Variants in GAB2 observed in about 807,000 individuals in gnomAD.
The protein encoded by GAB2 is GRB2 associated binding protein 2, also known as GRB2-associated-binding protein 2.
GAB2 carries 26 observed loss-of-function variants against 65.5 expected under a neutral mutation model. That is an observed-to-expected ratio of 0.40 (90% CI 0.29 to 0.55). GAB2 has a LOEUF of 0.55. Ranked by LOEUF, GAB2 falls within the 20% of genes least tolerant of loss-of-function variation. The probability of loss-of-function intolerance (pLI) is 0.53; values close to 1 mark genes in which losing one functional copy is unlikely to be tolerated. For synonymous variants in GAB2, 321 were observed against 329.6 expected, an observed-to-expected ratio of 0.97 and a Z score of 0.28; for missense variants, 884 against 875.8, an observed-to-expected ratio of 1.01 and a Z score of -0.12.
chr11:78,387,485 T>A (rs566097099), intron 1 of GAB2, among the ~76,000 whole-genome samples: 1 of 152,312 alleles, frequency 6.6e-6, no homozygotes, highest in Admixed American at 6.5e-5. Context: ...CAGAATTAAG[T>A]CCACAGTAAC....
chr11:78,362,573 A>G (rs1181917896), intron 1 of GAB2, among the ~76,000 whole-genome samples: 1 of 152,164 alleles, frequency 6.6e-6, no homozygotes, highest in Non-Finnish European at 1.5e-5. Flanking sequence ...CCATAATCAC[A>G]ATAAATGTAA....
At chr11:78,265,566 A>C (rs1458235580) in intron 2 of GAB2, among the ~76,000 whole-genome samples, 2 of 152,224 alleles carry the variant, frequency 1.3e-5, no homozygotes, top group Non-Finnish European at 2.9e-5. Context: ...AAAAGGGCCG[A>C]GGAGGTAGCA....
chr11:78,356,972 A>G (rs1030883403), intron 1 of GAB2, among the ~76,000 whole-genome samples: 6 of 152,222 alleles, frequency 3.9e-5, no homozygotes, highest in African/African-American at 1.4e-4. Context: ...AAGTAGAACA[A>G]TGGTTGCCAG....
intron 1 of GAB2, among the ~76,000 whole-genome samples, chr11:78,405,279 T>C (rs1413638772): frequency 1.3e-5 from 2 of 152,094 alleles, no homozygotes; most frequent in Non-Finnish European, 2.9e-5. Flanking sequence ...TTTGTATTTT[T>C]AGTAGAGATG....
chr11:78,292,584 T>C (rs1866711096), intron 1 of GAB2, among the ~76,000 whole-genome samples: 1 of 152,226 alleles, frequency 6.6e-6, no homozygotes, highest in Admixed American at 6.5e-5. Context: ...AAGTCTATCC[T>C]AATATATTTC....
chr11:78,324,139 T>C (rs143831456), intron 1 of GAB2, among the ~76,000 whole-genome samples: 1 of 152,044 alleles, frequency 6.6e-6, no homozygotes, highest in Non-Finnish European at 1.5e-5. Flanking sequence ...GTTCTTAAAA[T>C]GTGAAATTCT....
At chr11:78,349,746 G>C (rs868743375) in intron 1 of GAB2, among the ~76,000 whole-genome samples, 1 of 151,996 alleles carries the variant, frequency 6.6e-6, no homozygotes, top group Admixed American at 6.6e-5. Context: ...GGGAGAGTGG[G>C]AGGTGGGGTA....
chr11:78,378,385 C>T lies in GAB2; in HGVS notation c.75+39261G>A, dbSNP rs150966168. On this transcript the variant is annotated intron_variant, in intron 1 of 9. Transcript: ENST00000361507. ...TTTTCTGAGCTTCCTTATTATCATA[C>T]CATTACATTTCTATTTCTTGCTTAA... Among the ~76,000 whole-genome samples, 893 of 152,336 alleles carry T rather than the reference C, an allele frequency of 5.9e-3. 31 individuals are homozygous for T. The highest frequency in any genetic ancestry group is 0.052 in the Admixed American group (792 of 15,302).
intron 1 of GAB2, among the ~76,000 whole-genome samples, chr11:78,354,406 A>C (rs1209137213): frequency 2.0e-5 from 3 of 152,124 alleles, no homozygotes; most frequent in African/African-American, 7.2e-5. Context: ...ACTGTATCAT[A>C]TCATATGTAT....
chr11:78,300,646 G>A (rs192011306), intron 1 of GAB2, among the ~76,000 whole-genome samples: 1 of 150,610 alleles, frequency 6.6e-6, no homozygotes, highest in African/African-American at 2.4e-5. Flanking sequence ...GACTGTAGGG[G>A]ATGGGTAATG....
chr11:78,220,230 G>C, intron 9 of GAB2, 89 bp downstream of exon 9: 1 of 1,390,802 alleles, frequency 7.2e-7, no homozygotes, highest in Non-Finnish European at 1.0e-6. Context: ...GAGTGCTGCT[G>C]TTCAGTGTTG....
At chr11:78,403,487 A>G (rs758462049) in intron 1 of GAB2, among the ~76,000 whole-genome samples, 35 of 152,348 alleles carry the variant, frequency 2.3e-4, no homozygotes, top group Admixed American at 3.3e-4. Flanking sequence ...TACACTGGAA[A>G]AAGTGCAGTT....
At chr11:78,364,340 C>A (rs892103788) in intron 1 of GAB2, among the ~76,000 whole-genome samples, 1 of 152,152 alleles carries the variant, frequency 6.6e-6, no homozygotes, top group Non-Finnish European at 1.5e-5. Flanking sequence ...CCCCTTAGAA[C>A]CATCTTTACT....
At chr11:78,401,397 C>G (rs1484381196) in intron 1 of GAB2, among the ~76,000 whole-genome samples, 2 of 152,092 alleles carry the variant, frequency 1.3e-5, no homozygotes, top group Non-Finnish European at 2.9e-5. Context: ...CAGTATTTGT[C>G]CTTTTGTGAC....
intron 1 of GAB2, among the ~76,000 whole-genome samples, chr11:78,362,158 G>A (rs943045466): frequency 1.3e-5 from 2 of 151,220 alleles, no homozygotes; most frequent in South Asian, 2.1e-4. Context: ...ATTTGTATGC[G>A]TATTTATAAT....
At chr11:78,221,033 C>T (rs918968171) in intron 8 of GAB2, among the ~76,000 whole-genome samples, 2 of 152,174 alleles carry the variant, frequency 1.3e-5, no homozygotes. Context: ...TGCACAAGCC[C>T]GCATTTCTTC....
intron 1 of GAB2, among the ~76,000 whole-genome samples, chr11:78,293,337 C>A: frequency 6.6e-6 from 1 of 152,102 alleles, no homozygotes; most frequent in East Asian, 1.9e-4. Flanking sequence ...GCTTTTGTAT[C>A]TCCAGCATTT....
At chr11:78,262,585 C>T (rs1261496521) in intron 2 of GAB2, among the ~76,000 whole-genome samples, 2 of 152,108 alleles carry the variant, frequency 1.3e-5, no homozygotes, top group Admixed American at 1.3e-4. Flanking sequence ...CCTCGCAGGA[C>T]CCAGCTTGTA....
intron 1 of GAB2, among the ~76,000 whole-genome samples, chr11:78,297,221 G>A (rs934708356): frequency 3.3e-5 from 5 of 152,042 alleles, no homozygotes; most frequent in East Asian, 3.9e-4. Context: ...CGTTTATGTC[G>A]GGAGGATGAG....
Sources: gnomAD v4.1 joint callset for allele counts (sites outside exome capture counted in the v4.1 genomes callset) on GRCh38, gnomAD v4.1.1 for gene constraint, MANE v1.5 for transcripts, NCBI Gene and HGNC (gene_info 2026-07-23, HGNC 2026-07-21) for gene names.